PKN2: variants seen among roughly 807,000 people sequenced by gnomAD.
PKN2 encodes serine/threonine-protein kinase N2.
PKN2 carries 38 observed loss-of-function variants against 119.1 expected under a neutral mutation model. That is an observed-to-expected ratio of 0.32 (90% CI 0.25 to 0.42). PKN2 has a LOEUF of 0.42. Among genes scored for constraint, PKN2 ranks in the 10% least tolerant of loss-of-function variants. The pLI is 1.00. For missense variants in PKN2, 850 were observed against 1,165.1 expected (o/e 0.73, Z 3.94); for synonymous variants, 390 against 384.9 (o/e 1.01, Z -0.15).
chr1:88,813,843 T>G (rs1671876806), intron 16 of PKN2, 110 bp downstream of exon 16: 23 of 849,660 alleles, frequency 2.7e-5, no homozygotes, highest in South Asian at 2.5e-4. Context: ...AAAATAGATC[T>G]CTGCAAGAAA....
At chr1:88,763,494 C>G (rs1669529865) in intron 3 of PKN2, among the ~76,000 whole-genome samples, 1 of 151,192 alleles carries the variant, frequency 6.6e-6, no homozygotes, top group African/African-American at 2.4e-5. Context: ...GTAATCCCAG[C>G]TACTTGGGAG....
chr1:88,756,950 C>T (rs1256175477), intron 2 of PKN2, among the ~76,000 whole-genome samples: 1 of 152,016 alleles, frequency 6.6e-6, no homozygotes, highest in Non-Finnish European at 1.5e-5. Context: ...TGTGAAGTAC[C>T]TTACCCTGTA....
chr1:88,825,757 T>C (rs1672475685), intron 18 of PKN2, among the ~76,000 whole-genome samples: 1 of 152,204 alleles, frequency 6.6e-6, no homozygotes, highest in Admixed American at 6.5e-5. Context: ...AAGGAGTCCA[T>C]ATAAATACAG....
chr1:88,824,487 A>T, intron 18 of PKN2, 101 bp downstream of exon 18: 1 of 692,730 alleles, frequency 1.4e-6, no homozygotes, highest in Non-Finnish European at 2.6e-6. Flanking sequence ...CTGTACTTTT[A>T]ACTTTATTCT....
chr1:88,802,759 A>G (rs1039122053), intron 8 of PKN2, among the ~76,000 whole-genome samples: 8 of 152,254 alleles, frequency 5.3e-5, no homozygotes, highest in African/African-American at 1.9e-4. Context: ...TCACAATAAG[A>G]CAAAATCTTA....
chr1:88,708,617 C>CT lies in PKN2; in HGVS notation c.48+24011dup, dbSNP rs769170898. 7.2e-3 allele frequency among the ~76,000 whole-genome samples: 850 copies of CT among 118,440 alleles called. 6 individuals are homozygous for CT. Among genetic ancestry groups the CT allele is most frequent in the East Asian group, 0.017 (69 of 3,990 alleles). 77.7% of individuals were successfully genotyped at this position (118,440 alleles called of 152,430 possible). On this transcript the variant is annotated intron_variant, in intron 1 of 21. Coordinates refer to ENST00000370521, the MANE Select transcript of PKN2 (RefSeq NM_006256.4). ...ATCTTAGGCCTTCAAACACATAAAACTTTTTTTTTTTTTTTTTTTTTTAAA... is the reference window on the plus strand; with the variant it reads ...ATCTTAGGCCTTCAAACACATAAAACTTTTTTTTTTTTTTTTTTTTTTTAAA...
chr1:88,804,302 G>A (rs1219357029), intron 8 of PKN2, 89 bp from the exon 9 acceptor site: 2 of 1,037,402 alleles, frequency 1.9e-6, no homozygotes, highest in Non-Finnish European at 2.8e-6. Flanking sequence ...TATTGTATTT[G>A]TATTTCATAT....
At chr1:88,796,656 C>T (rs985053868) in intron 8 of PKN2, among the ~76,000 whole-genome samples, 3 of 152,144 alleles carry the variant, frequency 2.0e-5, no homozygotes, top group African/African-American at 7.2e-5. Flanking sequence ...TTTTGATCTT[C>T]CTACTACCTT....
chr1:88,816,069 G>A (rs955075309), intron 16 of PKN2, among the ~76,000 whole-genome samples: 1 of 152,016 alleles, frequency 6.6e-6, no homozygotes, highest in African/African-American at 2.4e-5. Flanking sequence ...GAACCCCAGA[G>A]GCAGAGGTTG....
chr1:88,739,631 C>A (rs1267102495), intron 1 of PKN2, among the ~76,000 whole-genome samples: 1 of 152,188 alleles, frequency 6.6e-6, no homozygotes, highest in Non-Finnish European at 1.5e-5. Context: ...AAACTCAAAT[C>A]TCCTCCCTAG....
chr1:88,765,553 T>C (rs1669635438), intron 3 of PKN2, among the ~76,000 whole-genome samples: 2 of 152,226 alleles, frequency 1.3e-5, no homozygotes, highest in Non-Finnish European at 2.9e-5. Flanking sequence ...TCTATACATA[T>C]GTATGCATGT....
Position 88,804,905 on chromosome 1 carries a change from T to A in PKN2, c.1485T>A (p.Ile495=). The A allele has an allele frequency of 1.9e-6, 3 of 1,538,594 alleles. No homozygotes were observed. Among genetic ancestry groups the A allele is most frequent in the Non-Finnish European group, 2.7e-6 (3 of 1,119,846 alleles). Residue 495 remains isoleucine (I), a synonymous_variant, in exon 10 of 22, where the codon ATT becomes ATA. Coordinates refer to ENST00000370521, the MANE Select transcript of PKN2 (RefSeq NM_006256.4). ...CAAAACTTCAAAGACAAAAGAAAAT[T>A]TTTTCAAAGCAACAAGGTAATTACT... ...RRPKLQRQKK[I]FSKQQGKTFL...
intron 19 of PKN2, chr1:88,829,089 T>C: frequency 1.4e-6 from 1 of 693,220 alleles, no homozygotes; most frequent in African/African-American, 1.8e-5. Flanking sequence ...AAGTAGAATT[T>C]CGTAAGAACA....
At chr1:88,778,494 G>A (rs1670196408) in intron 6 of PKN2, among the ~76,000 whole-genome samples, 1 of 152,186 alleles carries the variant, frequency 6.6e-6, no homozygotes, top group Non-Finnish European at 1.5e-5. Context: ...CCTCTTGCTT[G>A]CACCTAGCCT....
chr1:88,739,725 AG>A (rs1181401235), intron 1 of PKN2, among the ~76,000 whole-genome samples: 1 of 152,254 alleles, frequency 6.6e-6, no homozygotes, highest in Non-Finnish European at 1.5e-5. Flanking sequence ...ACTTTGAAAC[AG>A]TAAATGATAT....
chr1:88,712,445 G>C (rs1301770189), intron 1 of PKN2, among the ~76,000 whole-genome samples: 1 of 152,082 alleles, frequency 6.6e-6, no homozygotes, highest in Admixed American at 6.6e-5. Context: ...TCCCAGGTTT[G>C]CTTTTATACT....
chr1:88,702,919 T>C (rs1374445378), intron 1 of PKN2, among the ~76,000 whole-genome samples: 1 of 152,196 alleles, frequency 6.6e-6, no homozygotes, highest in Non-Finnish European at 1.5e-5. Context: ...AGGGAAGTCT[T>C]TAGCTAATGA....
rs547730090 is a variant in PKN2 at position 88,799,562 on chromosome 1, A to G, written c.1282-4829A>G. Among the ~76,000 whole-genome samples, 4 of 152,274 alleles carry G rather than the reference A, an allele frequency of 2.6e-5. No homozygotes were observed. The South Asian group carries it at 6.2e-4, about 24-fold the overall frequency. ...GAGAGACACTGTTAAGAGATCCAAG[A>G]GCTAGGAGGAAAGGAAAGTCGCAGT... On this transcript the variant is annotated intron_variant, in intron 8 of 21. Coordinates refer to ENST00000370521, the MANE Select transcript of PKN2 (RefSeq NM_006256.4).
chr1:88,742,604 C>G (rs929105109), intron 2 of PKN2, among the ~76,000 whole-genome samples: 2 of 151,914 alleles, frequency 1.3e-5, no homozygotes, highest in African/African-American at 4.8e-5. Context: ...CTTACACACT[C>G]TATAATTATG....
Sources: allele counts gnomAD v4.1 joint callset (sites outside exome capture counted in the v4.1 genomes callset), GRCh38; gene constraint gnomAD v4.1.1; transcripts MANE v1.5; gene names NCBI Gene and HGNC (gene_info 2026-07-23, HGNC 2026-07-21).